Variants in OLA1 observed in about 807,000 individuals in gnomAD.
OLA1 encodes the protein Obg like ATPase 1, also known as obg-like ATPase 1.
OLA1 carries 14 observed loss-of-function variants against 48.4 expected under a neutral mutation model. The ratio of observed to expected loss-of-function variants is 0.29; its 90% confidence interval spans 0.19 to 0.45. OLA1 has a LOEUF of 0.45. OLA1 is among the 20% of genes least tolerant of loss of function. The probability of loss-of-function intolerance (pLI) is 1.00; values close to 1 mark genes in which losing one functional copy is unlikely to be tolerated. For synonymous variants in OLA1, 127 were observed against 150.4 expected (o/e 0.84, Z 1.14); for missense variants, 325 against 467.1 (o/e 0.70, Z 2.80).
At chr2:174,165,149 G>C (rs902987787) in intron 4 of OLA1, among the ~76,000 whole-genome samples, 2 of 152,072 alleles carry the variant, frequency 1.3e-5, no homozygotes, top group Non-Finnish European at 2.9e-5. Flanking sequence ...TATTTTCTAA[G>C]CCATTTTGAA....
chr2:174,134,198 G>A (rs1686248924), intron 5 of OLA1, among the ~76,000 whole-genome samples: 2 of 152,226 alleles, frequency 1.3e-5, no homozygotes, highest in African/African-American at 2.4e-5. Context: ...ATACACAGAA[G>A]TAGAATTGCT....
chr2:174,075,345 C>A lies in OLA1; in HGVS notation c.*81G>T, dbSNP rs139913634. On this transcript the variant is annotated 3_prime_UTR_variant, in exon 11 of 11. Transcript: ENST00000284719. ...CCCATCTCCCCAACTTTATTTGTCG[C>A]ATTGGTTTTCAGAAATTTTAATTTT... is the stretch of plus-strand genomic sequence containing the variant. 6 of 718,438 alleles carry A rather than the reference C, an allele frequency of 8.4e-6. No individual in the cohort carries two copies. Among genetic ancestry groups the A allele is most frequent in the Non-Finnish European group, 1.4e-5 (6 of 420,766 alleles). The allele number at this position is 718,438 out of a possible 1,614,324, so 44.5% of individuals were successfully genotyped here. A position where few individuals can be genotyped will look rare whatever the true frequency, so the allele number is the denominator to read the frequency against.
At chr2:174,160,167 A>T (rs1271850684) in intron 4 of OLA1, among the ~76,000 whole-genome samples, 1 of 152,182 alleles carries the variant, frequency 6.6e-6, no homozygotes, top group Non-Finnish European at 1.5e-5. Context: ...ATATAGGATT[A>T]AAACAATTTC....
chr2:174,194,490 TG>T (rs1687840807), intron 4 of OLA1, among the ~76,000 whole-genome samples: 1 of 152,090 alleles, frequency 6.6e-6, no homozygotes, highest in Admixed American at 6.6e-5. Context: ...ATTGCGAGGG[TG>T]GGAGTGATAC....
intron 7 of OLA1, among the ~76,000 whole-genome samples, chr2:174,107,014 T>C (rs1685527570): frequency 6.6e-6 from 1 of 152,144 alleles, no homozygotes; most frequent in Non-Finnish European, 1.5e-5. Context: ...TTGTATTTTC[T>C]CACATCTGTG....
rs1458853520 is a variant in OLA1 at position 174,163,755 on chromosome 2, TATATATATATATATATATATAA to T, written c.374-21777_374-21756del. Among the ~76,000 whole-genome samples the T allele has an allele frequency of 8.1e-3, 335 of 41,214 alleles. 32 individuals are homozygous for T. Among genetic ancestry groups the T allele is most frequent in the South Asian group, 0.023 (23 of 986 alleles). 27.0% of individuals were successfully genotyped at this position (41,214 alleles called of 152,430 possible). A position where few individuals can be genotyped will look rare whatever the true frequency, so the allele number is the denominator to read the frequency against. On this transcript the variant is annotated intron_variant, in intron 4 of 10. Transcript: ENST00000284719. ...ATATATATATATATATATATATATA[TATATATATATATATATATATAA>T]ATAAATGTTTGGGTGCCTGCTTAGA...
At chr2:174,107,614 A>G (rs67277246) in intron 7 of OLA1, among the ~76,000 whole-genome samples, 1 of 152,092 alleles carries the variant, frequency 6.6e-6, no homozygotes, top group East Asian at 1.9e-4. Context: ...CATAAAATAC[A>G]GTTGTCACAG....
At chr2:174,208,961 C>T (rs1014390077) in intron 4 of OLA1, among the ~76,000 whole-genome samples, 5 of 152,154 alleles carry the variant, frequency 3.3e-5, no homozygotes, top group Non-Finnish European at 5.9e-5. Flanking sequence ...TCTGTCCCTT[C>T]CTTTCTATTT....
intron 4 of OLA1, among the ~76,000 whole-genome samples, chr2:174,189,863 C>CA (rs754785994): frequency 2.3e-3 from 124 of 55,018 alleles, no homozygotes; most frequent in East Asian, 5.2e-3. Flanking sequence ...ATAATCAGAG[C>CA]AAAAAAAAAA....
intron 7 of OLA1, among the ~76,000 whole-genome samples, chr2:174,117,832 C>G (rs1685819513): frequency 6.6e-6 from 1 of 152,194 alleles, no homozygotes; most frequent in African/African-American, 2.4e-5. Context: ...ATATTTCCCA[C>G]TCCCAACAGT....
chr2:174,120,739 AG>A (rs550320521), intron 7 of OLA1, among the ~76,000 whole-genome samples: 114 of 152,316 alleles, frequency 7.5e-4, no homozygotes, highest in East Asian at 2.3e-3. Flanking sequence ...ATTTACATTT[AG>A]GGTGAACTTC....
intron 1 of OLA1, chr2:174,248,063 G>C: frequency 3.5e-6 from 1 of 286,814 alleles, no homozygotes; most frequent in Non-Finnish European, 6.8e-6. Flanking sequence ...CCTTCTCAGC[G>C]TCCTGACACC....
At chr2:174,175,117 G>A (rs1405544656) in intron 4 of OLA1, among the ~76,000 whole-genome samples, 3 of 151,898 alleles carry the variant, frequency 2.0e-5, no homozygotes, top group Non-Finnish European at 4.4e-5. Context: ...CTAGAAAGAT[G>A]ACAGGCCCGA....
intron 4 of OLA1, among the ~76,000 whole-genome samples, chr2:174,194,678 A>T (rs1216693054): frequency 6.6e-6 from 1 of 152,154 alleles, no homozygotes; most frequent in Admixed American, 6.5e-5. Flanking sequence ...TTCTCCTTTA[A>T]TTACACTCAT....
intron 7 of OLA1, among the ~76,000 whole-genome samples, chr2:174,104,338 A>G (rs1685466265): frequency 6.6e-6 from 1 of 152,128 alleles, no homozygotes; most frequent in African/African-American, 2.4e-5. Context: ...CAAAGAAAGT[A>G]TAAATGGTAG....
intron 4 of OLA1, among the ~76,000 whole-genome samples, chr2:174,196,064 G>A (rs1164594786): frequency 6.6e-6 from 1 of 152,052 alleles, no homozygotes; most frequent in Non-Finnish European, 1.5e-5. Context: ...GGTTCTCTAA[G>A]CATCTAGATT....
intron 4 of OLA1, among the ~76,000 whole-genome samples, chr2:174,202,484 G>GT (rs1266545202): frequency 6.6e-6 from 1 of 152,080 alleles, no homozygotes; most frequent in African/African-American, 2.4e-5. Flanking sequence ...CAGTTCTTGT[G>GT]TTTTTTTCAT....
At chr2:174,153,554 A>G (rs1228230833) in intron 4 of OLA1, among the ~76,000 whole-genome samples, 3 of 127,116 alleles carry the variant, frequency 2.4e-5, no homozygotes, top group Non-Finnish European at 4.9e-5. Context: ...AAATGTACAG[A>G]ACACCAGAAA....
At chr2:174,190,422 C>T (rs10930648) in intron 4 of OLA1, among the ~76,000 whole-genome samples, 1 of 151,900 alleles carries the variant, frequency 6.6e-6, no homozygotes, top group Admixed American at 6.6e-5. Context: ...CTGAGACTCA[C>T]GAAGCTTAAA....
Sources: gnomAD v4.1 joint callset for allele counts (sites outside exome capture counted in the v4.1 genomes callset) on GRCh38, gnomAD v4.1.1 for gene constraint, MANE v1.5 for transcripts, NCBI Gene and HGNC (gene_info 2026-07-23, HGNC 2026-07-21) for gene names.